The following CD3E variants were observed in gnomAD, a reference collection of about 807,000 sequenced individuals.
CD3E encodes the protein CD3 epsilon subunit of T-cell receptor complex.
In CD3E, 16 loss-of-function variants were observed where a neutral mutation model predicts 34.7. That is an observed-to-expected ratio of 0.46 (90% CI 0.31 to 0.70). CD3E has a LOEUF of 0.70. CD3E is among the 30% of genes least tolerant of loss of function. CD3E has a pLI of 0.05. For missense variants in CD3E, 223 were observed against 253.9 expected, an observed-to-expected ratio of 0.88 and a Z score of 0.83; for synonymous variants, 70 against 90.8, an observed-to-expected ratio of 0.77 and a Z score of 1.30.
At position 118,315,451 on chromosome 11, in the gene CD3E, C is replaced by G. The variant is rs756615857; in HGVS notation, c.568-35C>G. ...CTTTCTTAGGAGGTACTTCCTCCCG[C>G]ACCACTGACCGCCCCCTCTCTATTT... On this transcript the variant is annotated intron_variant, in intron 8 of 8. Transcript: ENST00000361763. 5.0e-6 allele frequency: 8 copies of G among 1,593,120 alleles called. No individual in the cohort carries two copies. The South Asian group carries it at 7.8e-5, about 16-fold the overall frequency.
intron 3 of CD3E, 67 bp downstream of exon 3, chr11:118,307,375 A>G: frequency 7.0e-7 from 1 of 1,419,490 alleles, no homozygotes; most frequent in South Asian, 1.2e-5. Context: ...TTATGAATGG[A>G]GCTTTCTCTT....
In CD3E at chr11:118,312,176, T is replaced by TTTATTGGTCTTTTATTTATGCCCTG; in HGVS notation, c.103+8_103+32dup. 1 of 1,610,284 alleles carries TTTATTGGTCTTTTATTTATGCCCTG rather than the reference T, an allele frequency of 6.2e-7. No homozygotes were observed. The highest frequency in any genetic ancestry group is 1.1e-5 in the South Asian group (1 of 90,984). On this transcript the variant is annotated splice_region_variant and intron_variant, in intron 5 of 8. Coordinates refer to ENST00000361763, the MANE Select transcript of CD3E (RefSeq NM_000733.4). Reference sequence around the variant, plus strand: ...AGGTGGTATTACACAGACACGTGAGTTTATTGGTCTTTTATTTATGCCCTG... The same window carrying TTTATTGGTCTTTTATTTATGCCCTG: ...AGGTGGTATTACACAGACACGTGAGTTTATTGGTCTTTTATTTATGCCCTGTTATTGGTCTTTTATTTATGCCCTG...
intron 7 of CD3E, 33 bp downstream of exon 7, chr11:118,313,907 C>T (rs200532850): frequency 3.7e-6 from 6 of 1,610,704 alleles, no homozygotes; most frequent in Non-Finnish European, 5.1e-6. Flanking sequence ...GAGGAGATTC[C>T]TGCCAAGGGG....
intron 4 of CD3E, among the ~76,000 whole-genome samples, chr11:118,311,187 G>T (rs188796009): frequency 1.9e-3 from 290 of 152,236 alleles, no homozygotes; most frequent in Non-Finnish European, 2.4e-3. Context: ...TCAAACTCAG[G>T]GCTTCTGACT....
At position 118,312,698 on chromosome 11, in the gene CD3E, AATGATAAAAACATAGGCGGTGATGAGG is replaced by A. The variant is rs758638097; in HGVS notation, c.202_228del (p.Gly68_Gly76del). On this transcript the variant is annotated inframe_deletion, in exon 6 of 9. Transcript: ENST00000361763. ...TGGATCTGAAATACTATGGCAACAC[AATGATAAAAACATAGGCGGTGATGAGG>A]ATGATAAAAACATAGGCAGTGATGA... 16 of 1,614,220 alleles carry A rather than the reference AATGATAAAAACATAGGCGGTGATGAGG, an allele frequency of 9.9e-6. No homozygotes were observed. The highest frequency in any genetic ancestry group is 3.3e-4 in the Middle Eastern group (2 of 6,062).
chr11:118,314,548 G>C (rs1948155106), intron 8 of CD3E, 54 bp downstream of exon 8: 1 of 1,535,230 alleles, frequency 6.5e-7, no homozygotes, highest in Non-Finnish European at 9.0e-7. Context: ...CCTCCAGGGG[G>C]GAAGGAAACA....
chr11:118,314,522 C>T (rs188486188), intron 8 of CD3E, 28 bp downstream of exon 8: 113 of 1,607,684 alleles, frequency 7.0e-5, no homozygotes, highest in African/African-American at 5.6e-4. Context: ...TGGGCCAGGA[C>T]GCTGGAGGGG....
Position 118,315,784 on chromosome 11 carries a change from G to C in CD3E, c.*242G>C, listed in dbSNP as rs1480682685. On this transcript the variant is annotated 3_prime_UTR_variant, in exon 9 of 9. Transcript: ENST00000361763. ...CATCATCAGTAGTCACACCCTCACA[G>C]CTGGCCTGCCCTCTTGCCAGGATAT... The C allele has an allele frequency of 3.3e-6, 2 of 603,864 alleles. No homozygotes were observed. The highest frequency in any genetic ancestry group is 3.0e-6 in the Non-Finnish European group (1 of 337,232). 37.4% of individuals were successfully genotyped at this position (603,864 alleles called of 1,614,324 possible).
At chr11:118,311,508 A>C (rs17122067) in intron 4 of CD3E, among the ~76,000 whole-genome samples, 3,478 of 152,358 alleles carry the variant, frequency 0.023, 134 homozygotes, top group African/African-American at 0.077. Context: ...TATTGGAAGA[A>C]GCATTCCCTC....
chr11:118,305,057 A>G, intron 2 of CD3E, 56 bp downstream of exon 2: 1 of 1,500,462 alleles, frequency 6.7e-7, no homozygotes, highest in Non-Finnish European at 9.3e-7. Flanking sequence ...GAAGGCTTAC[A>G]GCCTTACCTG....
At chr11:118,309,562 C>T (rs1161621531) in intron 4 of CD3E, among the ~76,000 whole-genome samples, 1 of 148,562 alleles carries the variant, frequency 6.7e-6, no homozygotes, top group Admixed American at 6.7e-5. Flanking sequence ...GGCGACAGAG[C>T]AAGACTCTGT....
At chr11:118,305,255 C>T (rs933588927) in intron 2 of CD3E, among the ~76,000 whole-genome samples, 6 of 152,224 alleles carry the variant, frequency 3.9e-5, no homozygotes, top group South Asian at 2.1e-4. Flanking sequence ...AGAGAGGTCT[C>T]GCTACCTCTA....
rs146149691 is a variant in CD3E at position 118,315,400 on chromosome 11, C to T, written c.568-86C>T. On this transcript the variant is annotated intron_variant, in intron 8 of 8. Transcript: ENST00000361763. ...GACTTCAAGTCCAAAGTTCTTCCCA[C>T]GCACTAAAGCTAGCTCTTCAGTGTC... The T allele has an allele frequency of 1.1e-4, 128 of 1,152,052 alleles. No homozygotes were observed. The African/African-American group carries it at 1.4e-3, about 13-fold the overall frequency. The allele number at this position is 1,152,052 out of a possible 1,614,324, so 71.4% of individuals were successfully genotyped here.
intron 8 of CD3E, among the ~76,000 whole-genome samples, chr11:118,315,031 G>A (rs1265408180): frequency 2.0e-5 from 3 of 150,750 alleles, no homozygotes; most frequent in East Asian, 1.9e-4. Flanking sequence ...CTCCCCTACC[G>A]GGCTGCCTCT....
chr11:118,311,064 G>A (rs946066288), intron 4 of CD3E, among the ~76,000 whole-genome samples: 5 of 152,100 alleles, frequency 3.3e-5, no homozygotes, highest in Admixed American at 6.5e-5. Context: ...TTTAATTTTC[G>A]CAAAAACTTT....
At chr11:118,308,950 CTGAG>C (rs761149573) in intron 4 of CD3E, among the ~76,000 whole-genome samples, 6 of 152,150 alleles carry the variant, frequency 3.9e-5, no homozygotes, top group Non-Finnish European at 8.8e-5. Context: ...GTCAACTCTA[CTGAG>C]TGTCGTTGGG....
Position 118,315,508 on chromosome 11 carries a change from A to G in CD3E, c.590A>G (p.Asp197Gly). 1.2e-6 allele frequency: 2 copies of G among 1,612,628 alleles called. No individual in the cohort carries two copies. Among genetic ancestry groups the G allele is most frequent in the Non-Finnish European group, 1.7e-6 (2 of 1,179,602 alleles). The change falls in exon 9 of 9, where the codon GAC becomes GGC. Residue 197 changes from aspartate to glycine, a missense_variant. Coordinates refer to ENST00000361763, the MANE Select transcript of CD3E (RefSeq NM_000733.4). ...DYEPIRKGQR[D>G]LYSGLNQRRI ...CAGCCCATCCGGAAAGGCCAGCGGG[A>G]CCTGTATTCTGGCCTGAATCAGAGA...
chr11:118,306,858 C>T (rs1382941184), intron 2 of CD3E, among the ~76,000 whole-genome samples: 1 of 152,126 alleles, frequency 6.6e-6, no homozygotes, highest in Non-Finnish European at 1.5e-5. Context: ...AAAAACTGAA[C>T]CACCAGAAAA....
At chr11:118,305,960 T>C (rs1948103107) in intron 2 of CD3E, among the ~76,000 whole-genome samples, 2 of 152,190 alleles carry the variant, frequency 1.3e-5, no homozygotes, top group South Asian at 4.1e-4. Context: ...TCTCACGTCT[T>C]GAATGTGCAC....
Sources: allele counts gnomAD v4.1 joint callset (sites outside exome capture counted in the v4.1 genomes callset), GRCh38; gene constraint gnomAD v4.1.1; transcripts MANE v1.5; gene names NCBI Gene and HGNC (gene_info 2026-07-23, HGNC 2026-07-21).